Variants in PFDN1 observed in about 807,000 individuals in gnomAD.
The protein encoded by PFDN1 is prefoldin subunit 1.
Under a neutral mutation model 17.3 loss-of-function variants are expected in PFDN1, and 6 were observed. That is an observed-to-expected ratio of 0.35 (90% CI 0.19 to 0.69). PFDN1 has a LOEUF of 0.69. Among genes scored for constraint, PFDN1 ranks in the 30% least tolerant of loss-of-function variants. The probability of loss-of-function intolerance (pLI) is 0.65; values close to 1 mark genes in which losing one functional copy is unlikely to be tolerated. For synonymous variants in PFDN1, 58 were observed against 50.1 expected (o/e 1.16, Z -0.67); for missense variants, 113 against 146.2 (o/e 0.77, Z 1.17).
chr5:140,269,554 G>T (rs1765177184), intron 3 of PFDN1, among the ~76,000 whole-genome samples: 1 of 152,044 alleles, frequency 6.6e-6, no homozygotes, highest in Non-Finnish European at 1.5e-5. Flanking sequence ...CCTGACCTCA[G>T]ATCATCTGCC....
chr5:140,276,193 T>C (rs1233557656), intron 3 of PFDN1, among the ~76,000 whole-genome samples: 4 of 152,184 alleles, frequency 2.6e-5, no homozygotes. Context: ...TAAATCTGTA[T>C]CAAGCTTCCA....
chr5:140,277,226 C>CA (rs796127129), intron 3 of PFDN1, among the ~76,000 whole-genome samples: 202 of 97,686 alleles, frequency 2.1e-3, no homozygotes, highest in South Asian at 3.6e-3. Context: ...AACTCCGTCT[C>CA]AAAAAAAAAA....
intron 3 of PFDN1, 24 bp from the exon 4 acceptor site, chr5:140,246,081 G>A (rs1396151739): frequency 2.8e-6 from 4 of 1,423,936 alleles, no homozygotes; most frequent in Non-Finnish European, 3.9e-6. Flanking sequence ...GACAGACAAA[G>A]GTTAGGACCA....
chr5:140,265,536 T>C (rs1207287447), intron 3 of PFDN1, among the ~76,000 whole-genome samples: 5 of 152,168 alleles, frequency 3.3e-5, no homozygotes, highest in Admixed American at 1.3e-4. Flanking sequence ...TCAACATCTC[T>C]ACTTGGGTGT....
At chr5:140,276,641 G>A (rs372130152) in intron 3 of PFDN1, among the ~76,000 whole-genome samples, 3 of 151,586 alleles carry the variant, frequency 2.0e-5, no homozygotes, top group East Asian at 1.9e-4. Context: ...TTAGCTGGGC[G>A]TGGTGGCACA....
intron 2 of PFDN1, among the ~76,000 whole-genome samples, chr5:140,299,239 A>G (rs1722653361): frequency 6.6e-6 from 1 of 152,188 alleles, no homozygotes; most frequent in Non-Finnish European, 1.5e-5. Flanking sequence ...TTTCCATGAC[A>G]AATCATTTTT....
chr5:140,290,453 G>A (rs754429408), intron 2 of PFDN1, among the ~76,000 whole-genome samples: 1 of 152,182 alleles, frequency 6.6e-6, no homozygotes, highest in Admixed American at 6.5e-5. Context: ...CCAGCGTACC[G>A]AAATAAGTCG....
intron 2 of PFDN1, among the ~76,000 whole-genome samples, chr5:140,291,293 A>G (rs1261399314): frequency 6.6e-6 from 1 of 152,194 alleles, no homozygotes; most frequent in African/African-American, 2.4e-5. Context: ...TGGTAAGTAG[A>G]AGTCTTCAGA....
chr5:140,248,120 G>T (rs1465883727), intron 3 of PFDN1, among the ~76,000 whole-genome samples: 1 of 150,446 alleles, frequency 6.6e-6, no homozygotes, highest in African/African-American at 2.5e-5. Flanking sequence ...CCAGGCTGGA[G>T]TGCAATGGCG....
rs147860690 is a variant in PFDN1, at chr5:140,293,561, G to C, written c.200+6855C>G. 9.2e-5 allele frequency among the ~76,000 whole-genome samples: 14 copies of C among 152,114 alleles called. No individual in the cohort carries two copies. In the East Asian group the frequency reaches 2.5e-3, roughly 27 times the overall value. On this transcript the variant is annotated intron_variant, in intron 2 of 3. Coordinates refer to ENST00000261813, the MANE Select transcript of PFDN1 (RefSeq NM_002622.5). The stretch of plus-strand genomic sequence containing the variant: ...AAATTAATTTCCTGTGTTTTGGTGA[G>C]AATCTTTAGACTGGGGCATATGGGA...
intron 2 of PFDN1, among the ~76,000 whole-genome samples, chr5:140,295,581 A>G (rs553307984): frequency 1.4e-3 from 212 of 152,290 alleles, no homozygotes; most frequent in African/African-American, 4.6e-3. Context: ...ATCAGGCTAC[A>G]TAACAGCCTC....
At chr5:140,265,813 C>CA (rs1765126892) in intron 3 of PFDN1, 1 of 152,206 alleles carries the variant, frequency 6.6e-6, no homozygotes, top group Non-Finnish European at 1.5e-5. Context: ...CTTAGAACAG[C>CA]TACTTGCACA....
At chr5:140,246,964 A>G (rs1764839420) in intron 3 of PFDN1, among the ~76,000 whole-genome samples, 1 of 152,150 alleles carries the variant, frequency 6.6e-6, no homozygotes, top group African/African-American at 2.4e-5. Context: ...ACTGAGCCAC[A>G]CTGGAACCAG....
intron 2 of PFDN1, among the ~76,000 whole-genome samples, chr5:140,291,567 G>C (rs1255550093): frequency 6.6e-6 from 1 of 151,928 alleles, no homozygotes; most frequent in Non-Finnish European, 1.5e-5. Flanking sequence ...GTTCAGAGAA[G>C]GGGTCTAAGT....
chr5:140,275,210 CA>C, intron 3 of PFDN1, among the ~76,000 whole-genome samples: 1 of 151,966 alleles, frequency 6.6e-6, no homozygotes, highest in Admixed American at 6.6e-5. Context: ...AGATTGAGAC[CA>C]TCCTGGCTAA....
intron 2 of PFDN1, among the ~76,000 whole-genome samples, chr5:140,300,170 G>C (rs1355467254): frequency 6.6e-6 from 1 of 152,040 alleles, no homozygotes; most frequent in East Asian, 1.9e-4. Flanking sequence ...CTCCCAAGTA[G>C]CCAAGACTAC....
At chr5:140,259,652 G>A (rs1765035908) in intron 3 of PFDN1, among the ~76,000 whole-genome samples, 1 of 152,194 alleles carries the variant, frequency 6.6e-6, no homozygotes, top group Non-Finnish European at 1.5e-5. Flanking sequence ...CTGTAGGCAT[G>A]GTAAAGGGGT....
At chr5:140,299,838 C>T (rs960979391) in intron 2 of PFDN1, among the ~76,000 whole-genome samples, 1 of 151,670 alleles carries the variant, frequency 6.6e-6, no homozygotes, top group African/African-American at 2.4e-5. Context: ...ATGGTAAAAC[C>T]CCGTCTCTAC....
intron 3 of PFDN1, among the ~76,000 whole-genome samples, chr5:140,263,327 T>C (rs1300353810): frequency 6.6e-6 from 1 of 152,234 alleles, no homozygotes; most frequent in African/African-American, 2.4e-5. Context: ...TAAGTTCATC[T>C]ATCTGTATGC....
Sources: allele counts gnomAD v4.1 joint callset (sites outside exome capture counted in the v4.1 genomes callset), GRCh38; gene constraint gnomAD v4.1.1; transcripts MANE v1.5; gene names NCBI Gene and HGNC (gene_info 2026-07-23, HGNC 2026-07-21).